Variants in SEMA5A observed in about 807,000 individuals in gnomAD.
The protein encoded by SEMA5A is semaphorin-5A.
Under a neutral mutation model 135.5 loss-of-function variants are expected in SEMA5A, and 55 were observed. The ratio of observed to expected loss-of-function variants is 0.41; its 90% CI spans 0.33 to 0.51. The LOEUF (loss-of-function observed/expected upper bound fraction) is 0.51. Among genes scored for constraint, SEMA5A ranks in the 20% least tolerant of loss-of-function variants. SEMA5A has a pLI of 0.37. For missense variants in SEMA5A, 1,290 were observed against 1,419.9 expected (o/e 0.91, Z 1.47); for synonymous variants, 580 against 546.5 (o/e 1.06, Z -0.85).
At chr5:9,243,248 T>A (rs1748302999) in intron 5 of SEMA5A, among the ~76,000 whole-genome samples, 1 of 152,308 alleles carries the variant, frequency 6.6e-6, no homozygotes, top group Admixed American at 6.5e-5. Flanking sequence ...GCCCCTGGGG[T>A]CTGCCGCTGA....
chr5:9,225,275 T>C (rs968136151), intron 7 of SEMA5A, among the ~76,000 whole-genome samples: 7 of 151,268 alleles, frequency 4.6e-5, no homozygotes, highest in Non-Finnish European at 7.4e-5. Flanking sequence ...TATAATTGCC[T>C]GGGCACAGTG....
At chr5:9,512,932 T>A (rs1736288098) in intron 1 of SEMA5A, among the ~76,000 whole-genome samples, 1 of 151,974 alleles carries the variant, frequency 6.6e-6, no homozygotes, top group Non-Finnish European at 1.5e-5. Flanking sequence ...TTTCCTAGAG[T>A]GTTGCAAACC....
intron 13 of SEMA5A, among the ~76,000 whole-genome samples, chr5:9,131,426 G>A (rs950543851): frequency 1.8e-4 from 27 of 151,786 alleles, no homozygotes; most frequent in Non-Finnish European, 3.4e-4. Flanking sequence ...GGCTAACACG[G>A]TGAAACCCCG....
chr5:9,073,978 G>A (rs1034047506), intron 16 of SEMA5A, among the ~76,000 whole-genome samples: 5 of 152,014 alleles, frequency 3.3e-5, no homozygotes, highest in Non-Finnish European at 7.4e-5. Flanking sequence ...AGGCATTTTT[G>A]GTAGAAATTA....
At chr5:9,355,286 G>T (rs550952104) in intron 3 of SEMA5A, among the ~76,000 whole-genome samples, 1 of 152,152 alleles carries the variant, frequency 6.6e-6, no homozygotes, top group South Asian at 2.1e-4. Flanking sequence ...GAACAGTCAA[G>T]GGGGAGGCAT....
Position 9,051,940 on chromosome 5 carries a change from C to G in SEMA5A, c.2778G>C (p.Met926Ile), listed in dbSNP as rs1293156814. 1 of 1,614,042 alleles carries G rather than the reference C, an allele frequency of 6.2e-7. No homozygotes were observed. Among genetic ancestry groups the G allele is most frequent in the East Asian group, 2.2e-5 (1 of 44,888 alleles). ...RARQCILLFP[M>I]GSQCSGNTTE... ...TGGTGTTCCCGGAGCACTGGCTGCCCATGGGGAACAGGAGGATGCACTGGC... is the reference window on the plus strand; with the variant it reads ...TGGTGTTCCCGGAGCACTGGCTGCCGATGGGGAACAGGAGGATGCACTGGC... The change falls in exon 20 of 23, where the codon ATG becomes ATC. Residue 926 changes from methionine to isoleucine, a missense_variant. Physicochemically the swap from Met to Ile is conservative, Grantham distance 10. This residue lies in a region of SEMA5A where 1,029 missense variants were observed against 1,086.6 expected (regional missense o/e 0.95). Transcript: ENST00000382496.
intron 2 of SEMA5A, among the ~76,000 whole-genome samples, chr5:9,386,622 G>A (rs577204214): frequency 2.0e-5 from 3 of 152,306 alleles, no homozygotes; most frequent in African/African-American, 4.8e-5. Context: ...GCTGACACCA[G>A]CCACAGCGGC....
chr5:9,071,449 G>C (rs1011390940), intron 16 of SEMA5A, among the ~76,000 whole-genome samples: 12 of 152,262 alleles, frequency 7.9e-5, no homozygotes, highest in Admixed American at 5.2e-4. Context: ...CAAGAACTTT[G>C]TCACGTTTAT....
chr5:9,310,458 A>C (rs1752074824), intron 5 of SEMA5A, among the ~76,000 whole-genome samples: 2 of 152,144 alleles, frequency 1.3e-5, no homozygotes, highest in Non-Finnish European at 2.9e-5. Context: ...TAGGCAAAAA[A>C]ATAAATGAGC....
chr5:9,328,095 A>G (rs1209503374), intron 4 of SEMA5A, among the ~76,000 whole-genome samples: 1 of 152,116 alleles, frequency 6.6e-6, no homozygotes, highest in Non-Finnish European at 1.5e-5. Context: ...TCATCCTCCC[A>G]TATGCTCTAT....
chr5:9,073,681 A>ATACTCTC, intron 16 of SEMA5A, among the ~76,000 whole-genome samples: 2 of 152,168 alleles, frequency 1.3e-5, no homozygotes, highest in Non-Finnish European at 2.9e-5. Context: ...ACTCTCATAC[A>ATACTCTC]ATATGATTGT....
At chr5:9,510,057 G>A (rs1461770314) in intron 1 of SEMA5A, among the ~76,000 whole-genome samples, 1 of 152,198 alleles carries the variant, frequency 6.6e-6, no homozygotes, top group Non-Finnish European at 1.5e-5. Context: ...CAACCTCCAA[G>A]GGGCCACGAC....
At chr5:9,522,085 C>T (rs1244139407) in intron 1 of SEMA5A, among the ~76,000 whole-genome samples, 1 of 152,128 alleles carries the variant, frequency 6.6e-6, no homozygotes, top group Non-Finnish European at 1.5e-5. Flanking sequence ...ACTTAGCAGC[C>T]CTTTCTTCTT....
intron 1 of SEMA5A, among the ~76,000 whole-genome samples, chr5:9,453,383 C>T (rs1561265334): frequency 6.6e-6 from 1 of 152,150 alleles, no homozygotes; most frequent in Non-Finnish European, 1.5e-5. Context: ...GCCACATCCT[C>T]TATTTCGTGC....
intron 14 of SEMA5A, among the ~76,000 whole-genome samples, chr5:9,120,602 A>T (rs1740762103): frequency 6.6e-6 from 1 of 152,212 alleles, no homozygotes; most frequent in Non-Finnish European, 1.5e-5. Flanking sequence ...CTTAAAAATT[A>T]TCCATGTTAT....
At chr5:9,352,906 C>T (rs968845177) in intron 3 of SEMA5A, among the ~76,000 whole-genome samples, 31 of 152,098 alleles carry the variant, frequency 2.0e-4, no homozygotes, top group African/African-American at 7.5e-4. Flanking sequence ...TATTTACTAT[C>T]TTACCTTTTA....
intron 1 of SEMA5A, among the ~76,000 whole-genome samples, chr5:9,527,350 G>T (rs1431962350): frequency 6.6e-6 from 1 of 152,184 alleles, no homozygotes; most frequent in Non-Finnish European, 1.5e-5. Flanking sequence ...GGATCTGGAA[G>T]GATAAGCAGA....
intron 9 of SEMA5A, 100 bp from the exon 10 acceptor site, chr5:9,197,403 G>A: frequency 7.2e-7 from 1 of 1,385,560 alleles, no homozygotes. Context: ...ACAGCTTCCA[G>A]AGGTCTCAAG....
At chr5:9,284,079 G>C (rs1169367464) in intron 5 of SEMA5A, among the ~76,000 whole-genome samples, 1 of 150,536 alleles carries the variant, frequency 6.6e-6, no homozygotes, top group African/African-American at 2.4e-5. Context: ...ATAGATGATA[G>C]ATAACAGGTA....
Sources: allele counts gnomAD v4.1 joint callset (sites outside exome capture counted in the v4.1 genomes callset), GRCh38; gene constraint gnomAD v4.1.1; regional missense constraint gnomAD v4.1.1; transcripts MANE v1.5; gene names NCBI Gene and HGNC (gene_info 2026-07-23, HGNC 2026-07-21).